Variants in SLC18A1 observed in about 807,000 individuals in gnomAD.
SLC18A1 encodes solute carrier family 18 member A1.
In SLC18A1, 69 loss-of-function variants were observed where a neutral mutation model predicts 53.7. The observed-to-expected ratio is 1.28, with a 90% confidence interval of 1.06 to 1.57. The LOEUF is 1.57. SLC18A1 is among the 40% of genes most tolerant of loss of function. The pLI is 0.00. For synonymous variants in SLC18A1, 320 were observed against 248.1 expected, an observed-to-expected ratio of 1.29 and a Z score of -2.72; for missense variants, 932 against 668.1, an observed-to-expected ratio of 1.40 and a Z score of -4.35.
At position 20,159,634 on chromosome 8, in the gene SLC18A1, C is replaced by CAAAAAAAAAA. The variant is rs200123466; in HGVS notation, c.1015+5225_1015+5234dup. 3.9e-3 allele frequency among the ~76,000 whole-genome samples: 321 copies of CAAAAAAAAAA among 81,450 alleles called. 1 individual carries two copies. Among genetic ancestry groups the CAAAAAAAAAA allele is most frequent in the Middle Eastern group, 9.4e-3 (1 of 106 alleles). 53.4% of individuals were successfully genotyped at this position (81,450 alleles called of 152,430 possible). ...TCACTCTATTAAATCTTGCAGCTGC[C>CAAAAAAAAAA]AAAAAAAAAAAAAAAAAAAAAAAAA... On this transcript the variant is annotated intron_variant, in intron 10 of 15. Transcript: ENST00000276373.
Position 20,147,328 on chromosome 8 carries a change from C to G in SLC18A1, c.1394G>C (p.Gly465Ala), listed in dbSNP as rs767773615. The G allele has an allele frequency of 7.4e-6, 12 of 1,613,438 alleles. No individual in the cohort carries two copies. The highest frequency in any genetic ancestry group is 1.0e-5 in the Non-Finnish European group (12 of 1,179,938). The change falls in exon 15 of 16, where the codon GGG becomes GCG. Residue 465 changes from glycine (G) to alanine (A), a missense_variant. Physicochemically the swap from Gly to Ala is moderately conservative, Grantham distance 60. Transcript: ENST00000276373. ...TGGAGCATAGACGATGTTGATGACC[C>G]CAGTGATGACCATGAGCCAGGGAAA... ...IGFPWLMVIT[G>A]VINIVYAPLC...
In SLC18A1 at chr8:20,146,209, C is replaced by T. The variant is rs181336469; in HGVS notation, c.1465-333G>A. ...GGATTACAGGCGTGAGCCACCGCGC[C>T]CGGCCAACCACCGCACATCTTTTTT... On this transcript the variant is annotated intron_variant, in intron 15 of 15. Coordinates refer to ENST00000276373, the MANE Select transcript of SLC18A1 (RefSeq NM_003053.4). Among the ~76,000 whole-genome samples, 380 of 152,214 alleles carry T rather than the reference C, an allele frequency of 2.5e-3. 2 individuals carry two copies. Among genetic ancestry groups the T allele is most frequent in the African/African-American group, 8.2e-3 (342 of 41,542 alleles).
chr8:20,180,836 C>G lies in SLC18A1; in HGVS notation c.124+5G>C. 3 of 1,613,788 alleles carry G rather than the reference C, an allele frequency of 1.9e-6. No individual in the cohort carries two copies. Among genetic ancestry groups the G allele is most frequent in the South Asian group, 2.2e-5 (2 of 91,040 alleles). On this transcript the variant is annotated splice_donor_5th_base_variant and intron_variant, in intron 2 of 15. Coordinates refer to ENST00000276373, the MANE Select transcript of SLC18A1 (RefSeq NM_003053.4). ...AACCCTCAGCACAAAGACCCACAAA[C>G]GTACCCACCACAGTAAACAGCATGT... is the stretch of plus-strand genomic sequence containing the variant.
intron 5 of SLC18A1, 115 bp downstream of exon 5, chr8:20,174,246 T>A: frequency 1.3e-6 from 1 of 799,510 alleles, no homozygotes; most frequent in Non-Finnish European, 2.1e-6. Context: ...AATTTCTACC[T>A]ATCCAGGTGA....
rs2072120939 is a variant in SLC18A1, at chr8:20,171,679, G to GA, written c.725-186dup. On this transcript the variant is annotated intron_variant, in intron 6 of 15. Transcript: ENST00000276373. ...CCATCAAGCCCACTTTCTAGTGGAG[G>GA]AAGTGTGTGTGTGTGTGTGTGTGTG... Among the ~76,000 whole-genome samples, 5 of 144,638 alleles carry GA rather than the reference G, an allele frequency of 3.5e-5. No individual in the cohort carries two copies. In the South Asian group the frequency reaches 6.6e-4, roughly 19 times the overall value. 94.9% of individuals were successfully genotyped at this position (144,638 alleles called of 152,430 possible). A position where few individuals can be genotyped will look rare whatever the true frequency, so the allele number is the denominator to read the frequency against.
In SLC18A1 at chr8:20,182,779, C is replaced by T. The variant is rs188682518; in HGVS notation, c.-124+284G>A. Among the ~76,000 whole-genome samples the T allele has an allele frequency of 3.3e-5, 5 of 152,252 alleles. No homozygotes were observed. In the South Asian group the frequency reaches 6.2e-4, roughly 19 times the overall value. On this transcript the variant is annotated intron_variant, in intron 1 of 15. Transcript: ENST00000276373. ...GTAAATGCATGCAATTACTTAAGATCCTTCATTTCTCTATATAAAGGAGGT... is the reference window on the plus strand; with the variant it reads ...GTAAATGCATGCAATTACTTAAGATTCTTCATTTCTCTATATAAAGGAGGT...
In SLC18A1 at chr8:20,145,090, T is replaced by G. The variant is rs1425755873; in HGVS notation, c.*673A>C. The G allele has an allele frequency of 6.6e-6, 1 of 151,780 alleles. No individual in the cohort carries two copies. Among genetic ancestry groups the G allele is most frequent in the African/African-American group, 2.4e-5 (1 of 41,252 alleles). 9.4% of individuals were successfully genotyped at this position (151,780 alleles called of 1,614,324 possible). ...GGGAGGTCAGGAGAATGTCAATAACTCCAGCAGAAGAGAAATGGGCTCCTG... is the reference window on the plus strand; with the variant it reads ...GGGAGGTCAGGAGAATGTCAATAACGCCAGCAGAAGAGAAATGGGCTCCTG... On this transcript the variant is annotated 3_prime_UTR_variant, in exon 16 of 16. Coordinates refer to ENST00000276373, the MANE Select transcript of SLC18A1 (RefSeq NM_003053.4).
chr8:20,178,331 G>A, intron 4 of SLC18A1, 104 bp downstream of exon 4: 1 of 861,384 alleles, frequency 1.2e-6, no homozygotes, highest in Non-Finnish European at 1.8e-6. Context: ...TGCTTAGTCA[G>A]ATGCCTAATT....
rs1233137721 is a variant in SLC18A1, at chr8:20,180,953, G to T, written c.12C>A (p.Thr4=). The T allele has an allele frequency of 6.3e-7, 1 of 1,580,366 alleles. No individual in the cohort carries two copies. Residue 4 remains threonine (T), a synonymous_variant, in exon 2 of 16, where the codon ACC becomes ACA. Coordinates refer to ENST00000276373, the MANE Select transcript of SLC18A1 (RefSeq NM_003053.4). Reference sequence around the variant, plus strand: ...GCAACCGCTGGGGAGCATCCAGAATGGTCCGGAGCATGGTGATGGCCGGAC... The same window carrying T: ...GCAACCGCTGGGGAGCATCCAGAATTGTCCGGAGCATGGTGATGGCCGGAC... MLR[T]ILDAPQRLLK...
In SLC18A1 at chr8:20,152,956, C is replaced by T. The variant is rs115625070; in HGVS notation, c.1016-2212G>A. Among the ~76,000 whole-genome samples the T allele has an allele frequency of 5.2e-3, 796 of 152,230 alleles. 11 individuals are homozygous for T. Among genetic ancestry groups the T allele is most frequent in the African/African-American group, 0.018 (749 of 41,530 alleles). On this transcript the variant is annotated intron_variant, in intron 10 of 15. Coordinates refer to ENST00000276373, the MANE Select transcript of SLC18A1 (RefSeq NM_003053.4). ...TTGGGTACACTTAGTGATGGAAACA[C>T]GACAGTTCCATTCTCATTGCTTCCA...
At chr8:20,162,704 A>C (rs1224409930) in intron 10 of SLC18A1, among the ~76,000 whole-genome samples, 1 of 152,196 alleles carries the variant, frequency 6.6e-6, no homozygotes, top group Non-Finnish European at 1.5e-5. Flanking sequence ...TTTCTATCTG[A>C]GACCTCGTCA....
Position 20,178,635 on chromosome 8 carries a change from GA to G in SLC18A1, c.489-143del. 4.6e-6 allele frequency: 3 copies of G among 655,772 alleles called. No homozygotes were observed. The Admixed American group carries it at 8.5e-5, about 19-fold the overall frequency. The allele number at this position is 655,772 out of a possible 1,614,324, so 40.6% of individuals were successfully genotyped here. A position where few individuals can be genotyped will look rare whatever the true frequency, so the allele number is the denominator to read the frequency against. On this transcript the variant is annotated intron_variant, in intron 3 of 15. Transcript: ENST00000276373. ...ATGCCTCTGAATGTAGTGTGGAGATGAAATAGGGCATGTGGATGAGTATGAG... is the reference window on the plus strand; with the variant it reads ...ATGCCTCTGAATGTAGTGTGGAGATGAATAGGGCATGTGGATGAGTATGAG...
intron 10 of SLC18A1, among the ~76,000 whole-genome samples, chr8:20,161,032 AG>A (rs1300589369): frequency 6.6e-6 from 1 of 152,230 alleles, no homozygotes; most frequent in African/African-American, 2.4e-5. Context: ...TTGGGGATTA[AG>A]TTTCCAACAC....
intron 10 of SLC18A1, among the ~76,000 whole-genome samples, chr8:20,158,388 A>C (rs1585200353): frequency 6.6e-6 from 1 of 152,208 alleles, no homozygotes; most frequent in African/African-American, 2.4e-5. Context: ...TCGCAAAAGC[A>C]GGGGCCATTA....
Position 20,174,441 on chromosome 8 carries a change from A to C in SLC18A1, c.551T>G (p.Phe184Cys), listed in dbSNP as rs777789344. The change falls in exon 5 of 16, where the codon TTT becomes TGT. Residue 184 changes from phenylalanine to cysteine, a missense_variant. By Grantham distance (205) the Phe-to-Cys change is radical (BLOSUM62 -2). Coordinates refer to ENST00000276373, the MANE Select transcript of SLC18A1 (RefSeq NM_003053.4). ...TAGAGTATAGGTCCCAGAAAAAGCA[A>C]ACACTGGGCAGAGAGAATAGCAAGA... The part of the protein sequence containing the change: ...FVIMFLSTVM[F>C]AFSGTYTLLF... 1 of 1,612,820 alleles carries C rather than the reference A, an allele frequency of 6.2e-7. No individual in the cohort carries two copies. Among genetic ancestry groups the C allele is most frequent in the Non-Finnish European group, 8.5e-7 (1 of 1,178,978 alleles).
rs17215822 is a variant in SLC18A1 at position 20,179,364 on chromosome 8, A to C, written c.245T>G (p.Phe82Cys). ...CACGGTGTTGTTGTTGAAGAAGGAG[A>C]AGATGGTGGAAAAGGCAGGAGAGGC... ...ALASPAFSTI[F>C]SFFNNNTVAV... Residue 82 changes from phenylalanine (F) to cysteine (C), a missense_variant, in exon 3 of 16, where the codon TTC becomes TGC. Transcript: ENST00000276373. 75 of 1,614,054 alleles carry C rather than the reference A, an allele frequency of 4.6e-5. No homozygotes were observed. The highest frequency in any genetic ancestry group is 3.3e-4 in the Middle Eastern group (2 of 6,044).
chr8:20,154,815 C>G (rs1418494148), intron 10 of SLC18A1, among the ~76,000 whole-genome samples: 3 of 152,186 alleles, frequency 2.0e-5, no homozygotes, highest in Admixed American at 6.5e-5. Context: ...TGTTCTGGCT[C>G]GAGCTGAGCT....
At chr8:20,173,977 G>C (rs917401167) in intron 5 of SLC18A1, among the ~76,000 whole-genome samples, 1 of 150,172 alleles carries the variant, frequency 6.7e-6, no homozygotes, top group African/African-American at 2.5e-5. Flanking sequence ...GCTCACTGCA[G>C]CCTTGACCAC....
chr8:20,146,308 A>C (rs1473048397), intron 15 of SLC18A1, among the ~76,000 whole-genome samples: 1 of 152,132 alleles, frequency 6.6e-6, no homozygotes, highest in South Asian at 2.1e-4. Flanking sequence ...AGAAACATGC[A>C]TAGGACCCTC....
Sources: gnomAD v4.1 joint callset for allele counts (sites outside exome capture counted in the v4.1 genomes callset) on GRCh38, gnomAD v4.1.1 for gene constraint, MANE v1.5 for transcripts, NCBI Gene and HGNC (gene_info 2026-07-23, HGNC 2026-07-21) for gene names.